The following NPAS2 variants were observed in gnomAD, a reference collection of about 807,000 sequenced individuals.
NPAS2 encodes neuronal PAS domain-containing protein 2.
In NPAS2, 23 loss-of-function variants were observed where a neutral mutation model predicts 107.5. The ratio of observed to expected loss-of-function variants is 0.21; its 90% CI spans 0.15 to 0.30. NPAS2 has a LOEUF of 0.30. Among genes scored for constraint, NPAS2 ranks in the 10% least tolerant of loss-of-function variants. The pLI, the probability that NPAS2 is intolerant of heterozygous loss-of-function variation, is 1.00. For missense variants in NPAS2, 756 were observed against 1,043.3 expected (o/e 0.72, Z 3.79); for synonymous variants, 403 against 417.5 (o/e 0.97, Z 0.42).
At position 100,964,943 on chromosome 2, in the gene NPAS2, G is replaced by A; in HGVS notation, c.800G>A (p.Arg267Lys). 1 of 1,560,220 alleles carries A rather than the reference G, an allele frequency of 6.4e-7. No homozygotes were observed. The highest frequency in any genetic ancestry group is 8.6e-7 in the Non-Finnish European group (1 of 1,162,576). The change falls in exon 9 of 21, where the codon AGA becomes AAA. Residue 267 changes from arginine (R) to lysine (K), a missense_variant and splice_region_variant. Physicochemically the swap from Arg to Lys is conservative, Grantham distance 26. Transcript: ENST00000335681. The stretch of plus-strand genomic sequence containing the variant: ...TGGAAATTTTTATTTCTGGATCACA[G>A]GTTTGAGAAAAGAAAAACATATTTG... ...LEWKFLFLDH[R>K]APPIIGYLPF...
At position 100,945,660 on chromosome 2, in the gene NPAS2, C is replaced by G. The variant is rs1450586787; in HGVS notation, c.364-2575C>G. Among the ~76,000 whole-genome samples the G allele has an allele frequency of 3.3e-5, 5 of 152,132 alleles. No individual in the cohort carries two copies. In the East Asian group the frequency reaches 9.6e-4, roughly 29 times the overall value. On this transcript the variant is annotated intron_variant, in intron 5 of 20. Transcript: ENST00000335681. ...CAACCTCCTCTGTCATGGCTTCTCGCCCTCCCTGTTGTTCCCACCTTCCTG... is the reference window on the plus strand; with the variant it reads ...CAACCTCCTCTGTCATGGCTTCTCGGCCTCCCTGTTGTTCCCACCTTCCTG...
intron 3 of NPAS2, among the ~76,000 whole-genome samples, 200 bp downstream of exon 3, chr2:100,925,494 A>G (rs981005974): frequency 1.3e-5 from 2 of 152,144 alleles, no homozygotes; most frequent in Non-Finnish European, 2.9e-5. Flanking sequence ...ACACCTCCCA[A>G]TTGCATTATA....
At chr2:100,821,959 AAAT>A (rs1163646578) in intron 1 of NPAS2, among the ~76,000 whole-genome samples, 3 of 152,242 alleles carry the variant, frequency 2.0e-5, no homozygotes, top group Non-Finnish European at 2.9e-5. Context: ...ATTTAGTTAA[AAAT>A]AAAGTGTGCA....
At chr2:100,922,761 C>T (rs569652238) in intron 2 of NPAS2, among the ~76,000 whole-genome samples, 2 of 152,274 alleles carry the variant, frequency 1.3e-5, no homozygotes, top group African/African-American at 2.4e-5. Context: ...CAGCTGACAG[C>T]GACCAGTTTC....
At chr2:100,983,566 C>T (rs1237332556) in intron 16 of NPAS2, 1 of 152,488 alleles carries the variant, frequency 6.6e-6, no homozygotes, top group Non-Finnish European at 1.5e-5. Context: ...CTGGACAGGC[C>T]ACCTCCCCAC....
At chr2:100,863,487 C>T (rs946546327) in intron 1 of NPAS2, among the ~76,000 whole-genome samples, 1 of 152,134 alleles carries the variant, frequency 6.6e-6, no homozygotes, top group Admixed American at 6.5e-5. Flanking sequence ...CAGATCTGTG[C>T]CCCATGTTTG....
intron 7 of NPAS2, among the ~76,000 whole-genome samples, chr2:100,956,497 G>A (rs1053860713): frequency 6.6e-6 from 1 of 152,180 alleles, no homozygotes; most frequent in African/African-American, 2.4e-5. Flanking sequence ...AATTCACTTA[G>A]GATAATGGCC....
chr2:100,927,180 C>T (rs554600481), intron 3 of NPAS2, among the ~76,000 whole-genome samples: 2 of 152,128 alleles, frequency 1.3e-5, no homozygotes, highest in African/African-American at 4.8e-5. Flanking sequence ...GTGATTCACC[C>T]GCCCCGGCCT....
At chr2:100,843,651 A>G (rs1208475859) in intron 1 of NPAS2, among the ~76,000 whole-genome samples, 1 of 152,214 alleles carries the variant, frequency 6.6e-6, no homozygotes, top group Non-Finnish European at 1.5e-5. Context: ...CAGAAGAAAC[A>G]TAAAATGCTT....
intron 1 of NPAS2, among the ~76,000 whole-genome samples, chr2:100,832,077 G>A (rs1020016631): frequency 6.6e-6 from 1 of 152,144 alleles, no homozygotes; most frequent in Non-Finnish European, 1.5e-5. Flanking sequence ...ATGTGTGTGT[G>A]TGTGATTCTC....
chr2:100,892,521 A>C (rs1681137479), intron 1 of NPAS2, among the ~76,000 whole-genome samples: 1 of 152,118 alleles, frequency 6.6e-6, no homozygotes, highest in Admixed American at 6.5e-5. Context: ...AGGCTCCAGC[A>C]AGCACTGTGA....
At chr2:100,884,581 G>T (rs1247817143) in intron 1 of NPAS2, among the ~76,000 whole-genome samples, 1 of 152,184 alleles carries the variant, frequency 6.6e-6, no homozygotes, top group Non-Finnish European at 1.5e-5. Flanking sequence ...TTGTGATCAA[G>T]GCTGAGAAAG....
At chr2:100,891,929 CTG>C (rs1681095790) in intron 1 of NPAS2, among the ~76,000 whole-genome samples, 1 of 152,178 alleles carries the variant, frequency 6.6e-6, no homozygotes, top group Non-Finnish European at 1.5e-5. Context: ...TTCGGCTTGT[CTG>C]TGGCAGCCGA....
intron 12 of NPAS2, among the ~76,000 whole-genome samples, chr2:100,971,806 C>G (rs1176641232): frequency 6.6e-6 from 1 of 151,754 alleles, no homozygotes; most frequent in Non-Finnish European, 1.5e-5. Context: ...TGCAAGTAGA[C>G]CAGAGCCCTG....
rs560975741 is a variant in NPAS2 at position 100,926,322 on chromosome 2, T to C, written c.181+1028T>C. The stretch of plus-strand genomic sequence containing the variant: ...GGAGGGGAATTGCTGCATTAAATGG[T>C]AGTGTTTAGCTTTCTGAGGAACTGC... On this transcript the variant is annotated intron_variant, in intron 3 of 20. Transcript: ENST00000335681. 5.3e-5 allele frequency among the ~76,000 whole-genome samples: 8 copies of C among 152,338 alleles called. No homozygotes were observed. The South Asian group carries it at 1.4e-3, about 28-fold the overall frequency.
At chr2:100,881,768 G>A (rs62156107) in intron 1 of NPAS2, among the ~76,000 whole-genome samples, 36,434 of 151,978 alleles carry the variant, frequency 0.24, 5,927 homozygotes, top group Non-Finnish European at 0.36. Context: ...CTGAACAATC[G>A]CTGGTTTGTT....
In NPAS2 at chr2:100,995,414, CTCTT is replaced by C; in HGVS notation, c.2309_2312del (p.Ser770CysfsTer67). On this transcript the variant is annotated frameshift_variant, in exon 21 of 21. Coordinates refer to ENST00000335681, the MANE Select transcript of NPAS2 (RefSeq NM_002518.4). LOFTEE classifies it high-confidence loss of function. Reference sequence around the variant, plus strand: ...TTTTTTTCTAGGTACAGGCACCAACCTCTTTGCACAGTGAGCAGCAGGACTCGCT... The same window carrying C: ...TTTTTTTCTAGGTACAGGCACCAACCTGCACAGTGAGCAGCAGGACTCGCT... 3.7e-6 allele frequency: 6 copies of C among 1,613,176 alleles called. No homozygotes were observed. In the South Asian group the frequency reaches 6.6e-5, roughly 18 times the overall value.
intron 14 of NPAS2, 198 bp downstream of exon 14, chr2:100,975,765 G>C (rs1219045588): frequency 2.0e-5 from 10 of 492,414 alleles, no homozygotes; most frequent in Admixed American, 8.6e-5. Flanking sequence ...AAATTAACAT[G>C]GATGCATATC....
At chr2:100,947,378 C>T (rs925982074) in intron 5 of NPAS2, among the ~76,000 whole-genome samples, 5 of 151,904 alleles carry the variant, frequency 3.3e-5, no homozygotes, top group Admixed American at 2.6e-4. Flanking sequence ...CGGTGAAACC[C>T]GTCTCTACTA....
Sources: gnomAD v4.1 joint callset for allele counts (sites outside exome capture counted in the v4.1 genomes callset) on GRCh38, gnomAD v4.1.1 for gene constraint, MANE v1.5 for transcripts, NCBI Gene and HGNC (gene_info 2026-07-23, HGNC 2026-07-21) for gene names.